Variants in CRTAP observed in about 807,000 individuals in gnomAD.
CRTAP encodes the protein cartilage associated protein.
In CRTAP, 33 loss-of-function variants were observed where a neutral mutation model predicts 42.7. The ratio of observed to expected loss-of-function variants is 0.77; its 90% CI spans 0.59 to 1.03. The LOEUF is 1.03. CRTAP is among the 50% of genes least tolerant of loss of function. CRTAP has a pLI of 0.00. For missense variants in CRTAP, 613 were observed against 533.9 expected (o/e 1.15, Z -1.46); for synonymous variants, 243 against 217.7 (o/e 1.12, Z -1.02).
intron 3 of CRTAP, among the ~76,000 whole-genome samples, chr3:33,126,008 A>C (rs9682125): frequency 0.049 from 7,451 of 152,244 alleles, 567 homozygotes; most frequent in African/African-American, 0.16. Flanking sequence ...CCATTGTTCA[A>C]TGTACACTCC....
chr3:33,132,785 T>C, intron 5 of CRTAP, 85 bp downstream of exon 5: 1 of 1,550,344 alleles, frequency 6.5e-7, no homozygotes, highest in Non-Finnish European at 8.9e-7. Flanking sequence ...AAGGGTTATT[T>C]TGGAAATAAA....
At chr3:33,124,008 C>T (rs2029981567) in intron 2 of CRTAP, among the ~76,000 whole-genome samples, 3 of 152,096 alleles carry the variant, frequency 2.0e-5, no homozygotes. Flanking sequence ...CAAATACATC[C>T]AGTCCTGTAA....
At chr3:33,142,302 T>C in intron 6 of CRTAP, 93 bp from the exon 7 acceptor site, 2 of 1,191,918 alleles carry the variant, frequency 1.7e-6, no homozygotes, top group Middle Eastern at 1.9e-4. Flanking sequence ...AAGCAGACAG[T>C]GGTGATGGCC....
rs58719192 is a variant in CRTAP, at chr3:33,139,632, A to T, written c.1153-2763A>T. ...GCTGGAATTACAGGCATGTGCCACC[A>T]CACCCGGGTAATTTTTCTGTATTTA... On this transcript the variant is annotated intron_variant, in intron 6 of 6. Transcript: ENST00000320954. 4.4e-3 allele frequency among the ~76,000 whole-genome samples: 676 copies of T among 151,930 alleles called. 6 individuals are homozygous for T. Among genetic ancestry groups the T allele is most frequent in the African/African-American group, 0.015 (628 of 41,448 alleles).
At chr3:33,128,949 C>G (rs898007407) in intron 3 of CRTAP, among the ~76,000 whole-genome samples, 1 of 152,228 alleles carries the variant, frequency 6.6e-6, no homozygotes, top group Non-Finnish European at 1.5e-5. Context: ...ATGGCCCCAA[C>G]CTAGCTGCAT....
intron 2 of CRTAP, among the ~76,000 whole-genome samples, chr3:33,122,339 C>T (rs1273975701): frequency 6.6e-6 from 1 of 151,950 alleles, no homozygotes; most frequent in Non-Finnish European, 1.5e-5. Context: ...CTTATTGACC[C>T]ATTCTTCAGG....
At chr3:33,135,403 G>A (rs1559436627) in intron 6 of CRTAP, among the ~76,000 whole-genome samples, 1 of 152,202 alleles carries the variant, frequency 6.6e-6, no homozygotes, top group African/African-American at 2.4e-5. Context: ...CAAAGCAGGT[G>A]ATTGCTTGAG....
chr3:33,117,222 A>C (rs1356369937), intron 1 of CRTAP, among the ~76,000 whole-genome samples: 1 of 152,230 alleles, frequency 6.6e-6, no homozygotes, highest in Non-Finnish European at 1.5e-5. Flanking sequence ...ATATGAAGGT[A>C]GATAGTGCGC....
intron 2 of CRTAP, 28 bp from the exon 3 acceptor site, chr3:33,124,380 G>A (rs1368707653): frequency 1.2e-6 from 2 of 1,613,350 alleles, no homozygotes; most frequent in Admixed American, 3.3e-5. Context: ...CCAAGAGCGA[G>A]CTTCACTGGC....
rs1476141423 is a variant in CRTAP, at chr3:33,120,622, AT to A, written c.621+130del. ...GTGACATTTGCTGAATATTATGACA[AT>A]AGAAATGATTGACTTTTAGCACAAA... is the stretch of plus-strand genomic sequence containing the variant. On this transcript the variant is annotated intron_variant, in intron 2 of 6. Coordinates refer to ENST00000320954, the MANE Select transcript of CRTAP (RefSeq NM_006371.5). 3.6e-6 allele frequency: 5 copies of A among 1,373,550 alleles called. No homozygotes were observed. In the African/African-American group the frequency reaches 7.3e-5, roughly 20 times the overall value. The allele number at this position is 1,373,550 out of a possible 1,614,324, so 85.1% of individuals were successfully genotyped here.
intron 1 of CRTAP, among the ~76,000 whole-genome samples, chr3:33,116,366 CTG>C (rs767228536): frequency 1.3e-5 from 2 of 151,954 alleles, no homozygotes; most frequent in Non-Finnish European, 2.9e-5. Flanking sequence ...GTCTATCTAT[CTG>C]TTTTTTTTGA....
chr3:33,118,725 T>C (rs1313880220), intron 1 of CRTAP, among the ~76,000 whole-genome samples: 1 of 152,226 alleles, frequency 6.6e-6, no homozygotes, highest in African/African-American at 2.4e-5. Flanking sequence ...CCCTTCTCCC[T>C]ACTAGGTTGT....
intron 6 of CRTAP, among the ~76,000 whole-genome samples, chr3:33,142,059 G>A (rs1185707934): frequency 6.6e-6 from 1 of 152,212 alleles, no homozygotes; most frequent in Non-Finnish European, 1.5e-5. Context: ...AAATGTTCCT[G>A]TGGGAGACCT....
chr3:33,141,402 C>T (rs886819312), intron 6 of CRTAP, among the ~76,000 whole-genome samples: 1 of 152,196 alleles, frequency 6.6e-6, no homozygotes, highest in Admixed American at 6.5e-5. Context: ...AGTTTCTAAT[C>T]TCAGGCATGA....
intron 3 of CRTAP, among the ~76,000 whole-genome samples, chr3:33,126,006 C>T (rs944107633): frequency 6.6e-6 from 1 of 152,156 alleles, no homozygotes; most frequent in Non-Finnish European, 1.5e-5. Context: ...AGCCATTGTT[C>T]AATGTACACT....
At chr3:33,124,121 C>G (rs1481838944) in intron 2 of CRTAP, among the ~76,000 whole-genome samples, 1 of 152,200 alleles carries the variant, frequency 6.6e-6, no homozygotes, top group Non-Finnish European at 1.5e-5. Flanking sequence ...CTTCTGGCAG[C>G]CACTGATCTG....
chr3:33,136,157 G>T (rs1213549883), intron 6 of CRTAP, among the ~76,000 whole-genome samples: 2 of 152,138 alleles, frequency 1.3e-5, no homozygotes, highest in Non-Finnish European at 2.9e-5. Flanking sequence ...TAGGGTATGT[G>T]GTCTTTTGTG....
intron 1 of CRTAP, among the ~76,000 whole-genome samples, chr3:33,119,883 G>T (rs2125598403): frequency 6.6e-6 from 1 of 152,292 alleles, no homozygotes; most frequent in African/African-American, 2.4e-5. Context: ...GAGACTCTAT[G>T]GAGAGGGTCA....
intron 6 of CRTAP, among the ~76,000 whole-genome samples, chr3:33,141,483 G>A (rs1304843864): frequency 6.6e-6 from 1 of 152,204 alleles, no homozygotes; most frequent in Non-Finnish European, 1.5e-5. Context: ...AGGTTTTCCA[G>A]TTATTCCCAA....
Sources: gnomAD v4.1 joint callset for allele counts (sites outside exome capture counted in the v4.1 genomes callset) on GRCh38, gnomAD v4.1.1 for gene constraint, MANE v1.5 for transcripts, NCBI Gene and HGNC (gene_info 2026-07-23, HGNC 2026-07-21) for gene names.